Variants in ANK1 observed in about 807,000 individuals in gnomAD.
ANK1 encodes the protein ankyrin-1.
ANK1 carries 51 observed loss-of-function variants against 210.4 expected under a neutral mutation model. The observed-to-expected ratio is 0.24, with a 90% CI of 0.19 to 0.31. The LOEUF is 0.31. Ranked by LOEUF, ANK1 falls within the 10% of genes least tolerant of loss-of-function variation. The pLI is 1.00. For missense variants in ANK1, 2,051 were observed against 2,504.4 expected (o/e 0.82, Z 3.86); for synonymous variants, 967 against 1,025.9 (o/e 0.94, Z 1.10).
intron 1 of ANK1, among the ~76,000 whole-genome samples, chr8:41,774,362 C>G (rs748906172): frequency 3.9e-5 from 6 of 152,252 alleles, no homozygotes; most frequent in Non-Finnish European, 7.3e-5. Flanking sequence ...ATCCAGTCAA[C>G]TCAGATTTCT....
At chr8:41,797,638 TG>T, upstream of ANK1, 1 of 1,569,402 alleles carries the variant, frequency 6.4e-7, no homozygotes, top group Non-Finnish European at 8.6e-7. This position sits in a 1 kb window ranked among gnomAD's most constrained non-coding sequence, Gnocchi z 4.0. Context: ...GCCTGTGACG[TG>T]CGGGCCAGGC....
chr8:41,876,536 C>T (rs1448859474), intron 1 of ANK1, among the ~76,000 whole-genome samples: 1 of 152,206 alleles, frequency 6.6e-6, no homozygotes, highest in African/African-American at 2.4e-5. Flanking sequence ...GTGAGTAGTC[C>T]CAGGTTCGCA....
At chr8:41,777,655 C>T (rs1192896321) in intron 1 of ANK1, among the ~76,000 whole-genome samples, 1 of 152,168 alleles carries the variant, frequency 6.6e-6, no homozygotes, top group Non-Finnish European at 1.5e-5. Context: ...GTTGTGTTGG[C>T]AACTTTCTTT....
intron 1 of ANK1, among the ~76,000 whole-genome samples, chr8:41,863,859 TAC>T (rs1401813774): frequency 1.3e-5 from 2 of 152,186 alleles, no homozygotes; most frequent in African/African-American, 4.8e-5. Flanking sequence ...TCCAGGGGCT[TAC>T]CATGCTCTAA....
At chr8:41,777,903 C>A (rs571352978) in intron 1 of ANK1, among the ~76,000 whole-genome samples, 19 of 152,082 alleles carry the variant, frequency 1.2e-4, no homozygotes, top group Non-Finnish European at 2.4e-4. Context: ...TTTTAGCCTT[C>A]GGAGAGAGAC....
At chr8:41,814,359 CAA>C (rs34734381) in intron 1 of ANK1, among the ~76,000 whole-genome samples, 155 of 124,364 alleles carry the variant, frequency 1.2e-3, no homozygotes, top group South Asian at 1.3e-3. Flanking sequence ...GACTCCATCT[CAA>C]AAAAAAAAAA....
intron 1 of ANK1, among the ~76,000 whole-genome samples, chr8:41,790,168 C>G (rs940481845): frequency 2.0e-5 from 3 of 147,092 alleles, no homozygotes; most frequent in Non-Finnish European, 4.5e-5. Context: ...TTTTCAGAGA[C>G]AGAGTTTCAC....
At chr8:41,658,138 G>A (rs189409005) in intron 42 of ANK1, among the ~76,000 whole-genome samples, 2 of 152,262 alleles carry the variant, frequency 1.3e-5, no homozygotes, top group African/African-American at 4.8e-5. Context: ...CCAAAGTGCT[G>A]GGATTACAGG....
In ANK1 at chr8:41,655,743, G is replaced by A. The variant is rs756188673; in HGVS notation, c.*47C>T. The A allele has an allele frequency of 8.1e-6, 13 of 1,614,102 alleles. No individual in the cohort carries two copies. Among genetic ancestry groups the A allele is most frequent in the South Asian group, 2.2e-5 (2 of 91,082 alleles). The stretch of plus-strand genomic sequence containing the variant: ...GTGTGGGGTTCAGGGGTTGGGTGTC[G>A]AGGTGTGATCCTGGGAGACACAAAG... On this transcript the variant is annotated 3_prime_UTR_variant, in exon 43 of 43. Coordinates refer to ENST00000289734, the MANE Select transcript of ANK1 (RefSeq NM_000037.4).
At chr8:41,680,680 T>C (rs1383968944) in intron 37 of ANK1, among the ~76,000 whole-genome samples, 2 of 152,078 alleles carry the variant, frequency 1.3e-5, no homozygotes, top group African/African-American at 2.4e-5. Context: ...TTAGGGTACA[T>C]GCCCAGCTGC....
At chr8:41,681,817 T>A (rs374521093) in intron 37 of ANK1, among the ~76,000 whole-genome samples, 1 of 147,542 alleles carries the variant, frequency 6.8e-6, no homozygotes. Flanking sequence ...CCAGACTTTC[T>A]GGGGCAAGGA....
At chr8:41,838,264 G>A (rs1359578031) in intron 1 of ANK1, among the ~76,000 whole-genome samples, 1 of 152,194 alleles carries the variant, frequency 6.6e-6, no homozygotes, top group Non-Finnish European at 1.5e-5. Flanking sequence ...CACACAGCTG[G>A]TGTGAGGGTG....
intron 1 of ANK1, among the ~76,000 whole-genome samples, chr8:41,864,468 C>A (rs1251967516): frequency 1.3e-5 from 2 of 152,032 alleles, no homozygotes; most frequent in African/African-American, 2.4e-5. Flanking sequence ...GAGCTGCTGG[C>A]CGCGTGCTGA....
At chr8:41,679,037 C>T (rs1014116459) in intron 37 of ANK1, among the ~76,000 whole-genome samples, 2 of 152,136 alleles carry the variant, frequency 1.3e-5, no homozygotes, top group African/African-American at 2.4e-5. Flanking sequence ...CCGCCCACCT[C>T]GGCCTCCCAA....
chr8:41,812,393 A>C (rs979738418), intron 1 of ANK1, among the ~76,000 whole-genome samples: 1 of 152,318 alleles, frequency 6.6e-6, no homozygotes, highest in Non-Finnish European at 1.5e-5. Flanking sequence ...AAGCTGTAGA[A>C]AGGAAGAAGG....
At chr8:41,760,123 G>C (rs1043571072) in intron 1 of ANK1, among the ~76,000 whole-genome samples, 3 of 152,314 alleles carry the variant, frequency 2.0e-5, no homozygotes, top group Non-Finnish European at 4.4e-5. Flanking sequence ...TTCCTTTAAA[G>C]ATGAGTGACA....
chr8:41,753,683 C>T (rs1838346048), intron 2 of ANK1, among the ~76,000 whole-genome samples: 1 of 152,076 alleles, frequency 6.6e-6, no homozygotes, highest in African/African-American at 2.4e-5. Flanking sequence ...TCCACCCATG[C>T]CCTCCTCCCG....
At chr8:41,739,926 C>T (rs1422603867) in intron 2 of ANK1, among the ~76,000 whole-genome samples, 2 of 152,096 alleles carry the variant, frequency 1.3e-5, no homozygotes, top group Admixed American at 1.3e-4. Flanking sequence ...TTCCTTATTA[C>T]AACATGTTAG....
chr8:41,805,126 CTCTT>C (rs113406823), intron 1 of ANK1, among the ~76,000 whole-genome samples: 9,395 of 150,928 alleles, frequency 0.062, 946 homozygotes, highest in African/African-American at 0.21. Context: ...AGCTCTTTCT[CTCTT>C]TCTTTCTCTC....
Sources: gnomAD v4.1 joint callset for allele counts (sites outside exome capture counted in the v4.1 genomes callset) on GRCh38, gnomAD v4.1.1 for gene constraint, Gnocchi (gnomAD v3.1) non-coding constraint, MANE v1.5 for transcripts, NCBI Gene and HGNC (gene_info 2026-07-23, HGNC 2026-07-21) for gene names.